NAALADL2: variants seen among roughly 807,000 people sequenced by gnomAD.
NAALADL2 encodes N-acetylated alpha-linked acidic dipeptidase like 2, also known as inactive N-acetylated-alpha-linked acidic dipeptidase-like protein 2.
In NAALADL2, 76 loss-of-function variants were observed where a neutral mutation model predicts 87.2. That is an observed-to-expected ratio of 0.87 (90% confidence interval 0.72 to 1.05). NAALADL2 has a LOEUF of 1.05. Among genes scored for constraint, NAALADL2 ranks in the 50% least tolerant of loss-of-function variants. The pLI is 0.00. For missense variants in NAALADL2, 1,089 were observed against 945.8 expected, an observed-to-expected ratio of 1.15 and a Z score of -1.99; for synonymous variants, 354 against 331.0, an observed-to-expected ratio of 1.07 and a Z score of -0.75.
chr3:175,149,241 C>T (rs959760679), intron 2 of NAALADL2, among the ~76,000 whole-genome samples: 2 of 151,996 alleles, frequency 1.3e-5, no homozygotes, highest in Non-Finnish European at 2.9e-5. Flanking sequence ...TTAAAATGTT[C>T]AGTTAAGCAT....
intron 2 of NAALADL2, among the ~76,000 whole-genome samples, chr3:174,620,957 T>G (rs113048731): frequency 5.5e-4 from 83 of 152,212 alleles, no homozygotes; most frequent in African/African-American, 1.9e-3. Flanking sequence ...AAGATGGCAT[T>G]TTTGACACTT....
chr3:175,668,585 C>T lies in NAALADL2; in HGVS notation c.1896+41199C>T, dbSNP rs1582835067. On this transcript the variant is annotated intron_variant, in intron 11 of 13. Transcript: ENST00000454872. ...AGAGGAAAGAAAACTACACTTAAAG[C>T]CACTCTTGGTAGTTTATATTAAGTT... is the stretch of plus-strand genomic sequence containing the variant. Among the ~76,000 whole-genome samples the T allele has an allele frequency of 3.3e-5, 5 of 152,136 alleles. 1 individual carries two copies. The highest frequency in any genetic ancestry group is 3.3e-4 in the Admixed American group (5 of 15,274).
At chr3:175,436,800 TG>T (rs1328466942) in intron 5 of NAALADL2, among the ~76,000 whole-genome samples, 1 of 75,124 alleles carries the variant, frequency 1.3e-5, no homozygotes, top group African/African-American at 5.2e-5. Flanking sequence ...TTTTGTAGGT[TG>T]CCTGTTCACT....
chr3:174,898,287 C>T (rs187044134), intron 1 of NAALADL2, among the ~76,000 whole-genome samples: 140 of 151,356 alleles, frequency 9.2e-4, no homozygotes, highest in Non-Finnish European at 1.7e-3. Context: ...AATAATTGTA[C>T]TCATGATATA....
chr3:175,162,777 T>C (rs2108853368), intron 2 of NAALADL2, among the ~76,000 whole-genome samples: 1 of 152,286 alleles, frequency 6.6e-6, no homozygotes, highest in African/African-American at 2.4e-5. Flanking sequence ...TTGTTCATAT[T>C]AATTTGTATG....
intron 3 of NAALADL2, among the ~76,000 whole-genome samples, chr3:174,785,438 G>A (rs1210097792): frequency 2.0e-5 from 3 of 152,098 alleles, no homozygotes; most frequent in Admixed American, 6.6e-5. Context: ...ATTTGTTGAA[G>A]ATCAAATGGC....
intron 2 of NAALADL2, among the ~76,000 whole-genome samples, chr3:174,689,825 G>A (rs554527792): frequency 1.3e-5 from 2 of 152,244 alleles, no homozygotes; most frequent in South Asian, 4.1e-4. Context: ...AAACTCAAAT[G>A]TTGGGAAAGA....
At chr3:175,047,156 C>T (rs1420702076) in intron 1 of NAALADL2, among the ~76,000 whole-genome samples, 1 of 152,110 alleles carries the variant, frequency 6.6e-6, no homozygotes, top group Non-Finnish European at 1.5e-5. Context: ...TAATACCATC[C>T]CATTGGGGGT....
intron 2 of NAALADL2, among the ~76,000 whole-genome samples, chr3:174,731,082 G>A (rs904907219): frequency 1.2e-4 from 18 of 151,882 alleles, no homozygotes; most frequent in African/African-American, 2.7e-4. Context: ...ATTTCTACCC[G>A]CACACTATCA....
rs139078792 is a variant in NAALADL2 at position 174,613,374 on chromosome 3, C to T, written c.-115+62737C>T. On this transcript the variant is annotated intron_variant, in intron 2 of 3. Transcript: ENST00000434257. ...GTCATCCCTTCAGCACAGTGAGTTC[C>T]TGCAGGCCCCAGCTGGGTTCACAGA... 6.5e-3 allele frequency among the ~76,000 whole-genome samples: 983 copies of T among 152,324 alleles called. 13 individuals carry two copies. The highest frequency in any genetic ancestry group is 7.3e-3 in the Non-Finnish European group (498 of 68,034).
At chr3:174,617,917 AT>A (rs1720621997) in intron 2 of NAALADL2, among the ~76,000 whole-genome samples, 1 of 151,774 alleles carries the variant, frequency 6.6e-6, no homozygotes, top group Non-Finnish European at 1.5e-5. Flanking sequence ...AATACATGGT[AT>A]GTGAACTTAT....
intron 3 of NAALADL2, among the ~76,000 whole-genome samples, chr3:174,750,303 C>T (rs1034890388): frequency 6.6e-6 from 1 of 152,162 alleles, no homozygotes; most frequent in African/African-American, 2.4e-5. Flanking sequence ...GGAAAATTAC[C>T]TTGAATTAGG....
At chr3:175,250,629 G>T (rs1748890879) in intron 3 of NAALADL2, among the ~76,000 whole-genome samples, 1 of 152,062 alleles carries the variant, frequency 6.6e-6, no homozygotes, top group Non-Finnish European at 1.5e-5. Context: ...TCCTTCCAAT[G>T]AAAAGACCTT....
intron 10 of NAALADL2, among the ~76,000 whole-genome samples, chr3:175,589,247 TAAA>T (rs1560809065): frequency 2.6e-5 from 4 of 152,146 alleles, no homozygotes. Context: ...TAGCATAATA[TAAA>T]TAAAATATTA....
At chr3:175,498,631 A>C (rs193271869) in intron 9 of NAALADL2, among the ~76,000 whole-genome samples, 1 of 152,226 alleles carries the variant, frequency 6.6e-6, no homozygotes, top group East Asian at 1.9e-4. Flanking sequence ...TCTAATCTCT[A>C]CATGACTATT....
intron 5 of NAALADL2, among the ~76,000 whole-genome samples, chr3:175,391,347 A>C (rs1022317660): frequency 3.6e-4 from 55 of 152,328 alleles, no homozygotes; most frequent in African/African-American, 1.2e-3. Flanking sequence ...AAATTGTAGG[A>C]TGTCACTTTC....
intron 2 of NAALADL2, among the ~76,000 whole-genome samples, chr3:174,730,348 C>T (rs1732582539): frequency 6.6e-6 from 1 of 152,000 alleles, no homozygotes; most frequent in Non-Finnish European, 1.5e-5. Context: ...GTTTTTGTAT[C>T]AGAATTCGAA....
rs370196507 is a variant in NAALADL2 at position 175,416,878 on chromosome 3, A to G, written c.1091-30351A>G. 3.3e-5 allele frequency among the ~76,000 whole-genome samples: 5 copies of G among 152,050 alleles called. No homozygotes were observed. In the East Asian group the frequency reaches 9.6e-4, roughly 29 times the overall value. ...TATGTGGATGATAATGTGTGAAAAC[A>G]AATAAATATATGATGCTGAGTCACT... On this transcript the variant is annotated intron_variant, in intron 5 of 13. Coordinates refer to ENST00000454872, the MANE Select transcript of NAALADL2 (RefSeq NM_207015.3).
At chr3:174,689,068 CTT>C (rs1255053923) in intron 2 of NAALADL2, among the ~76,000 whole-genome samples, 1 of 151,620 alleles carries the variant, frequency 6.6e-6, no homozygotes, top group Non-Finnish European at 1.5e-5. Flanking sequence ...TATGAGAACT[CTT>C]TATATATGGC....
Sources: gnomAD v4.1 joint callset for allele counts (sites outside exome capture counted in the v4.1 genomes callset) on GRCh38, gnomAD v4.1.1 for gene constraint, MANE v1.5 for transcripts, NCBI Gene and HGNC (gene_info 2026-07-23, HGNC 2026-07-21) for gene names.